The following GNAL variants were observed in gnomAD, a reference collection of about 807,000 sequenced individuals.
GNAL encodes G protein subunit alpha L.
In GNAL, 18 loss-of-function variants were observed where a neutral mutation model predicts 55.1. The observed-to-expected ratio is 0.33, with a 90% CI of 0.23 to 0.48. The LOEUF (loss-of-function observed/expected upper bound fraction) is 0.48. Ranked by LOEUF, GNAL falls within the 20% of genes least tolerant of loss-of-function variation. The probability of loss-of-function intolerance (pLI) is 0.99; values close to 1 mark genes in which losing one functional copy is unlikely to be tolerated. For synonymous variants in GNAL, 253 were observed against 237.0 expected (o/e 1.07, Z -0.62); for missense variants, 412 against 614.1 (o/e 0.67, Z 3.48).
At chr18:11,763,481 G>A (rs1057476190) in intron 4 of GNAL, among the ~76,000 whole-genome samples, 3 of 151,548 alleles carry the variant, frequency 2.0e-5, no homozygotes, top group African/African-American at 7.3e-5. Flanking sequence ...GTGCGATCTC[G>A]GCTCACTGCA....
rs2036036540 is a variant in GNAL, at chr18:11,857,569, G to A, written c.723-4826G>A. 7.1e-6 allele frequency: 7 copies of A among 985,360 alleles called. No individual in the cohort carries two copies. In the South Asian group the frequency reaches 2.3e-4, roughly 33 times the overall value. The allele number at this position is 985,360 out of a possible 1,614,324, so 61.0% of individuals were successfully genotyped here. A position where few individuals can be genotyped will look rare whatever the true frequency, so the allele number is the denominator to read the frequency against. On this transcript the variant is annotated intron_variant, in intron 5 of 11. Coordinates refer to ENST00000334049, the MANE Select transcript of GNAL (RefSeq NM_182978.4). ...AATGATGGTTCAGGCAGAGATTAGA[G>A]CATAAAGCAGGGAGGTGGGGAAAGC...
rs946756847 is a variant in GNAL at position 11,857,509 on chromosome 18, C to T, written c.723-4886C>T. The T allele has an allele frequency of 5.1e-6, 5 of 985,270 alleles. No homozygotes were observed. The African/African-American group carries it at 8.7e-5, about 17-fold the overall frequency. The allele number at this position is 985,270 out of a possible 1,614,324, so 61.0% of individuals were successfully genotyped here. A position where few individuals can be genotyped will look rare whatever the true frequency, so the allele number is the denominator to read the frequency against. ...GGCCACATTAAAAGTGTGGACTTTA[C>T]CCCATGGGAAGGAGGAAGCGCAGGA... On this transcript the variant is annotated intron_variant, in intron 5 of 11. Transcript: ENST00000334049.
chr18:11,792,537 A>T (rs569114786), intron 4 of GNAL, among the ~76,000 whole-genome samples: 1 of 152,318 alleles, frequency 6.6e-6, no homozygotes, highest in South Asian at 2.1e-4. Context: ...TAGTCTCCCT[A>T]CTGAAGTGTT....
intron 5 of GNAL, among the ~76,000 whole-genome samples, chr18:11,826,844 G>A (rs981569083): frequency 6.6e-6 from 1 of 152,214 alleles, no homozygotes; most frequent in African/African-American, 2.4e-5. Flanking sequence ...CCTGGAGCTC[G>A]GAAGAGAGGC....
intron 4 of GNAL, among the ~76,000 whole-genome samples, chr18:11,791,813 G>A (rs2034246050): frequency 6.6e-6 from 1 of 152,144 alleles, no homozygotes; most frequent in Non-Finnish European, 1.5e-5. Context: ...AGCTTCCCAT[G>A]TCTACCTCTG....
chr18:11,784,070 GGCCCAGCAA>G (rs564696967), intron 4 of GNAL, among the ~76,000 whole-genome samples: 8 of 152,226 alleles, frequency 5.3e-5, no homozygotes, highest in Non-Finnish European at 8.8e-5. Flanking sequence ...ATGTCCACGT[GGCCCAGCAA>G]GCCCATGCAG....
intron 4 of GNAL, among the ~76,000 whole-genome samples, chr18:11,800,755 G>C (rs1038426722): frequency 6.6e-6 from 1 of 152,206 alleles, no homozygotes; most frequent in East Asian, 1.9e-4. Context: ...AGGCTTCTCT[G>C]TCATAGGAAG....
intron 1 of GNAL, among the ~76,000 whole-genome samples, chr18:11,701,755 A>C (rs2031577430): frequency 6.6e-6 from 1 of 152,010 alleles, no homozygotes; most frequent in Admixed American, 6.6e-5. Context: ...TACCTAATAG[A>C]ACTGATGCTT....
intron 5 of GNAL, among the ~76,000 whole-genome samples, chr18:11,850,853 A>G (rs1378973145): frequency 1.3e-5 from 2 of 152,198 alleles, no homozygotes; most frequent in Non-Finnish European, 2.9e-5. Flanking sequence ...CAATAAAAGG[A>G]TATTACAGAA....
chr18:11,726,301 A>G (rs915742311), intron 1 of GNAL, among the ~76,000 whole-genome samples: 4 of 152,348 alleles, frequency 2.6e-5, no homozygotes, highest in African/African-American at 7.2e-5. Context: ...TTGGTGAACA[A>G]TAATTCACCA....
chr18:11,758,292 G>A (rs964061699), intron 4 of GNAL, among the ~76,000 whole-genome samples: 1 of 152,198 alleles, frequency 6.6e-6, no homozygotes, highest in Non-Finnish European at 1.5e-5. Flanking sequence ...CAAGCAAATT[G>A]TGAAAGCAAA....
At chr18:11,739,505 A>G (rs1368168954) in intron 1 of GNAL, among the ~76,000 whole-genome samples, 3 of 152,182 alleles carry the variant, frequency 2.0e-5, no homozygotes, top group Non-Finnish European at 2.9e-5. Flanking sequence ...CTGACCCGTC[A>G]TCATCTGCAC....
At chr18:11,827,434 G>A (rs1297842289) in intron 5 of GNAL, among the ~76,000 whole-genome samples, 1 of 151,852 alleles carries the variant, frequency 6.6e-6, no homozygotes, top group Non-Finnish European at 1.5e-5. Flanking sequence ...CCAACATGGT[G>A]AAAACCTCAT....
intron 4 of GNAL, among the ~76,000 whole-genome samples, chr18:11,806,995 C>T (rs2034680588): frequency 3.9e-5 from 6 of 151,990 alleles, no homozygotes; most frequent in Admixed American, 3.9e-4. Flanking sequence ...CCCGTCTCTA[C>T]TAAAAATACA....
At chr18:11,735,389 A>G (rs565688446) in intron 1 of GNAL, among the ~76,000 whole-genome samples, 48 of 152,246 alleles carry the variant, frequency 3.2e-4, no homozygotes, top group Middle Eastern at 6.8e-3. Flanking sequence ...AAGTGAGTTG[A>G]GCTCAATGAA....
rs769856826 is a variant in GNAL at position 11,753,690 on chromosome 18, CTT to C, written c.504+13_504+14del. On this transcript the variant is annotated intron_variant, in intron 3 of 11. Coordinates refer to ENST00000334049, the MANE Select transcript of GNAL (RefSeq NM_182978.4). The stretch of plus-strand genomic sequence containing the variant: ...GTTAAAGATGCTATCGTGGTAAGGA[CTT>C]TTTTAAATGATTGTTTACTAGAAAG... 5.1e-6 allele frequency: 8 copies of C among 1,581,318 alleles called. No homozygotes were observed. In the East Asian group the frequency reaches 1.8e-4, roughly 35 times the overall value.
At chr18:11,875,114 A>G (rs2036500551) in intron 10 of GNAL, among the ~76,000 whole-genome samples, 1 of 152,182 alleles carries the variant, frequency 6.6e-6, no homozygotes, top group Non-Finnish European at 1.5e-5. Flanking sequence ...GGTGCTCCGC[A>G]TGCCTGAGTG....
At chr18:11,755,735 A>G (rs2033032873) in intron 4 of GNAL, among the ~76,000 whole-genome samples, 2 of 152,144 alleles carry the variant, frequency 1.3e-5, no homozygotes, top group South Asian at 4.1e-4. Flanking sequence ...ATCTGGCCCC[A>G]TGTCTTTAAC....
At chr18:11,697,756 C>A (rs570194987) in intron 1 of GNAL, among the ~76,000 whole-genome samples, 1 of 145,360 alleles carries the variant, frequency 6.9e-6, no homozygotes, top group South Asian at 2.1e-4. Context: ...CAAGGACATT[C>A]TCCGAGTAAG....
Sources: allele counts gnomAD v4.1 joint callset (sites outside exome capture counted in the v4.1 genomes callset), GRCh38; gene constraint gnomAD v4.1.1; transcripts MANE v1.5; gene names NCBI Gene and HGNC (gene_info 2026-07-23, HGNC 2026-07-21).